Variants in TFEC observed in about 807,000 individuals in gnomAD.
TFEC encodes the protein class E basic helix-loop-helix protein 34.
Under a neutral mutation model 41.6 loss-of-function variants are expected in TFEC, and 31 were observed. That is an observed-to-expected ratio of 0.74 (90% CI 0.56 to 1.01). TFEC has a LOEUF of 1.01. Ranked by LOEUF, TFEC falls within the 50% of genes least tolerant of loss-of-function variation. The pLI, the probability that TFEC is intolerant of heterozygous loss-of-function variation, is 0.00. For missense variants in TFEC, 402 were observed against 404.1 expected, an observed-to-expected ratio of 0.99 and a Z score of 0.04; for synonymous variants, 143 against 140.6, an observed-to-expected ratio of 1.02 and a Z score of -0.12.
intron 1 of TFEC, among the ~76,000 whole-genome samples, chr7:116,149,903 T>C (rs1012400107): frequency 6.6e-6 from 1 of 152,138 alleles, no homozygotes; most frequent in African/African-American, 2.4e-5. Flanking sequence ...TTAAACATTA[T>C]TTCTTCATGT....
chr7:116,062,761 G>T (rs1796600186), intron 3 of TFEC, among the ~76,000 whole-genome samples: 1 of 151,830 alleles, frequency 6.6e-6, no homozygotes, highest in East Asian at 1.9e-4. Context: ...TGGATCAAAT[G>T]ATAAATGTAC....
intron 1 of TFEC, among the ~76,000 whole-genome samples, chr7:116,138,051 T>C (rs1279765089): frequency 6.6e-6 from 1 of 152,156 alleles, no homozygotes; most frequent in Non-Finnish European, 1.5e-5. Context: ...TTCCTCAGGT[T>C]ATATACCTAG....
At chr7:116,133,847 T>A (rs183301212) in intron 1 of TFEC, among the ~76,000 whole-genome samples, 31 of 152,306 alleles carry the variant, frequency 2.0e-4, no homozygotes, top group African/African-American at 6.5e-4. Context: ...TAGAGAGCGA[T>A]GTTTATGAAG....
intron 3 of TFEC, among the ~76,000 whole-genome samples, chr7:116,083,048 T>A (rs1277535981): frequency 6.6e-6 from 1 of 151,922 alleles, no homozygotes. Context: ...TAGCTAAAAA[T>A]ATGTAAGACT....
At chr7:116,088,331 T>C (rs1463723996) in intron 3 of TFEC, among the ~76,000 whole-genome samples, 1 of 152,174 alleles carries the variant, frequency 6.6e-6, no homozygotes, top group East Asian at 1.9e-4. Context: ...AATTAGACTG[T>C]CAACTCTCTG....
intron 1 of TFEC, among the ~76,000 whole-genome samples, chr7:116,006,549 C>G (rs935704882): frequency 2.0e-5 from 3 of 152,204 alleles, no homozygotes; most frequent in African/African-American, 7.2e-5. Flanking sequence ...TGCACCCTCA[C>G]TGTATCTAGG....
chr7:116,085,261 T>C (rs765653759), intron 3 of TFEC, among the ~76,000 whole-genome samples: 1 of 151,878 alleles, frequency 6.6e-6, no homozygotes, highest in Non-Finnish European at 1.5e-5. Flanking sequence ...TTTTAGACTA[T>C]GAAAAGGAGT....
In TFEC at chr7:115,954,176, T is replaced by C. The variant is rs558468790; in HGVS notation, c.439+410A>G. ...ACAGCAATGCCTTTCAGATAACATA[T>C]CATTAAGAAAGGAGGAGCAAATTGA... is the stretch of plus-strand genomic sequence containing the variant. On this transcript the variant is annotated intron_variant, in intron 5 of 7. Transcript: ENST00000265440. Among the ~76,000 whole-genome samples the C allele has an allele frequency of 2.0e-5, 3 of 152,192 alleles. No homozygotes were observed. The East Asian group carries it at 5.8e-4, about 30-fold the overall frequency.
intron 1 of TFEC, among the ~76,000 whole-genome samples, chr7:116,142,620 A>C (rs1798564215): frequency 6.6e-6 from 1 of 152,206 alleles, no homozygotes; most frequent in Admixed American, 6.5e-5. Context: ...AGGGCTCTTC[A>C]GATGCTCTTA....
At chr7:116,059,637 C>A (rs1161894155) in intron 3 of TFEC, among the ~76,000 whole-genome samples, 1 of 151,910 alleles carries the variant, frequency 6.6e-6, no homozygotes, top group Non-Finnish European at 1.5e-5. Flanking sequence ...TGAAAAAAAT[C>A]AGGATTAGGT....
upstream of TFEC, among the ~76,000 whole-genome samples, chr7:116,032,373 A>G (rs1795806133): frequency 6.6e-6 from 1 of 152,176 alleles, no homozygotes; most frequent in Non-Finnish European, 1.5e-5. Flanking sequence ...TTATAAAGAC[A>G]CATGCACACG....
At chr7:115,976,744 A>T (rs1793399266) in intron 2 of TFEC, among the ~76,000 whole-genome samples, 1 of 152,228 alleles carries the variant, frequency 6.6e-6, no homozygotes, top group Non-Finnish European at 1.5e-5. Flanking sequence ...AGAAGATTTG[A>T]GGAAAGAAGA....
chr7:116,145,287 T>G (rs1196541286), intron 1 of TFEC, among the ~76,000 whole-genome samples: 1 of 152,182 alleles, frequency 6.6e-6, no homozygotes, highest in African/African-American at 2.4e-5. Context: ...GAGAGTAAAT[T>G]GATATCTACA....
chr7:116,037,519 T>C (rs528721101), intron 3 of TFEC, among the ~76,000 whole-genome samples: 1 of 152,132 alleles, frequency 6.6e-6, no homozygotes, highest in Admixed American at 6.6e-5. Context: ...TGGCAAATAA[T>C]TGGCATTAAT....
intron 3 of TFEC, among the ~76,000 whole-genome samples, chr7:115,960,346 T>C (rs1169296212): frequency 6.6e-6 from 1 of 151,660 alleles, no homozygotes; most frequent in African/African-American, 2.4e-5. Flanking sequence ...AGGCATACAA[T>C]GCTTAAGAAA....
intron 1 of TFEC, among the ~76,000 whole-genome samples, chr7:116,114,162 CTCAGTA>C: frequency 6.6e-6 from 1 of 151,980 alleles, no homozygotes; most frequent in Non-Finnish European, 1.5e-5. Context: ...ATAGTAGATA[CTCAGTA>C]AGTTACTGTT....
At chr7:116,127,108 T>C in intron 1 of TFEC, among the ~76,000 whole-genome samples, 1 of 151,846 alleles carries the variant, frequency 6.6e-6, no homozygotes, top group East Asian at 1.9e-4. Context: ...TTTTTGTTTT[T>C]TGTTTTTGAG....
At chr7:116,076,222 A>C (rs1369672041) in intron 3 of TFEC, among the ~76,000 whole-genome samples, 1 of 152,208 alleles carries the variant, frequency 6.6e-6, no homozygotes, top group Non-Finnish European at 1.5e-5. Context: ...TAGGGGAAGC[A>C]GGAGAACACC....
intron 6 of TFEC, among the ~76,000 whole-genome samples, chr7:115,945,196 A>G (rs1186687571): frequency 6.6e-6 from 1 of 150,550 alleles, no homozygotes; most frequent in African/African-American, 2.4e-5. Context: ...TAACATAATA[A>G]TGTCATTTCT....
Sources: allele counts gnomAD v4.1 joint callset (sites outside exome capture counted in the v4.1 genomes callset), GRCh38; gene constraint gnomAD v4.1.1; transcripts MANE v1.5; gene names NCBI Gene and HGNC (gene_info 2026-07-23, HGNC 2026-07-21).